Variants in NALCN observed in about 807,000 individuals in gnomAD.
The protein encoded by NALCN is sodium leak channel, non-selective.
Under a neutral mutation model 225.3 loss-of-function variants are expected in NALCN, and 111 were observed. The observed-to-expected ratio is 0.49, with a 90% CI of 0.42 to 0.58. The LOEUF is 0.58. Ranked by LOEUF, NALCN falls within the 20% of genes least tolerant of loss-of-function variation. The pLI is 0.00. For synonymous variants in NALCN, 764 were observed against 769.0 expected (o/e 0.99, Z 0.11); for missense variants, 1,378 against 2,202.4 (o/e 0.63, Z 7.49).
In NALCN at chr13:101,089,413, C is replaced by G. The variant is rs980520737; in HGVS notation, c.3489+250G>C. On this transcript the variant is annotated intron_variant, in intron 30 of 43. Coordinates refer to ENST00000251127, the MANE Select transcript of NALCN (RefSeq NM_052867.4). This position sits in a 1 kb window ranked among gnomAD's most constrained non-coding sequence, Gnocchi z 4.7. ...TTTTCAATTTGAACAATAGGAGACG[C>G]GCCTCTCAGTTGTCGGTGAATTAAT... Among the ~76,000 whole-genome samples the G allele has an allele frequency of 6.6e-6, 1 of 152,170 alleles. No homozygotes were observed. Among genetic ancestry groups the G allele is most frequent in the East Asian group, 1.9e-4 (1 of 5,194 alleles).
At chr13:101,405,232 T>C (rs948025809) in intron 1 of NALCN, among the ~76,000 whole-genome samples, 3 of 152,194 alleles carry the variant, frequency 2.0e-5, no homozygotes, top group Non-Finnish European at 4.4e-5. Context: ...GATGGCCTTG[T>C]TTCTGTAAAG....
intron 15 of NALCN, among the ~76,000 whole-genome samples, chr13:101,147,818 G>A (rs1247928096): frequency 6.6e-6 from 1 of 151,998 alleles, no homozygotes; most frequent in Non-Finnish European, 1.5e-5. Context: ...TCAGTTGCTT[G>A]GAAACATCTG....
intron 10 of NALCN, among the ~76,000 whole-genome samples, chr13:101,267,231 C>A (rs1324968804): frequency 2.0e-5 from 3 of 152,204 alleles, no homozygotes; most frequent in Non-Finnish European, 4.4e-5. Flanking sequence ...AATCACAAAT[C>A]AACAAACACA....
intron 15 of NALCN, among the ~76,000 whole-genome samples, chr13:101,159,460 T>A (rs1036511741): frequency 6.6e-6 from 1 of 152,140 alleles, no homozygotes; most frequent in African/African-American, 2.4e-5. Context: ...GGATTGCGGT[T>A]TGTGTAGGTG....
intron 13 of NALCN, among the ~76,000 whole-genome samples, chr13:101,192,391 C>G (rs2039717317): frequency 6.6e-6 from 1 of 152,076 alleles, no homozygotes; most frequent in South Asian, 2.1e-4. Context: ...ACATTTTCAA[C>G]AGATTACTTT....
At chr13:101,179,615 T>C (rs909880984) in intron 14 of NALCN, among the ~76,000 whole-genome samples, 1 of 152,250 alleles carries the variant, frequency 6.6e-6, no homozygotes, top group South Asian at 2.1e-4. Flanking sequence ...ATGTCCTCCA[T>C]CCCCCATCAG....
At chr13:101,239,903 T>C (rs1330633740) in intron 11 of NALCN, among the ~76,000 whole-genome samples, 1 of 152,078 alleles carries the variant, frequency 6.6e-6, no homozygotes, top group African/African-American at 2.4e-5. Flanking sequence ...AGTATCAGTG[T>C]AATCAAACTT....
chr13:101,414,656 T>C (rs1324783246), intron 1 of NALCN, among the ~76,000 whole-genome samples: 1 of 152,206 alleles, frequency 6.6e-6, no homozygotes, highest in African/African-American at 2.4e-5. Context: ...ATGACACTAT[T>C]TTGAGTAGAC....
chr13:101,162,462 A>G (rs1012817322), intron 15 of NALCN, among the ~76,000 whole-genome samples: 1 of 152,196 alleles, frequency 6.6e-6, no homozygotes, highest in Admixed American at 6.5e-5. Context: ...TTCAAAAGGA[A>G]TCAGGGCAAT....
intron 7 of NALCN, among the ~76,000 whole-genome samples, chr13:101,309,264 A>T (rs902251150): frequency 6.6e-6 from 1 of 152,210 alleles, no homozygotes; most frequent in Non-Finnish European, 1.5e-5. Context: ...CTAAACTCAG[A>T]CATACCAAAG....
intron 7 of NALCN, among the ~76,000 whole-genome samples, chr13:101,300,363 T>TTCC (rs1555331934): frequency 7.0e-3 from 139 of 19,892 alleles, no homozygotes; most frequent in Non-Finnish European, 0.016. Flanking sequence ...TCTTTCTTTC[T>TTCC]TTCTTTCCTT....
At chr13:101,171,447 T>A (rs1479783581) in intron 15 of NALCN, among the ~76,000 whole-genome samples, 1 of 151,750 alleles carries the variant, frequency 6.6e-6, no homozygotes, top group African/African-American at 2.4e-5. Context: ...ACATATATAT[T>A]TTTTTCCGAG....
At chr13:101,118,402 A>T (rs2035816483) in intron 18 of NALCN, among the ~76,000 whole-genome samples, 1 of 152,196 alleles carries the variant, frequency 6.6e-6, no homozygotes, top group Non-Finnish European at 1.5e-5. Flanking sequence ...TGATTACCGC[A>T]AATCAGGTAC....
At chr13:101,270,445 C>G (rs2042739672) in intron 10 of NALCN, among the ~76,000 whole-genome samples, 1 of 152,098 alleles carries the variant, frequency 6.6e-6, no homozygotes, top group African/African-American at 2.4e-5. Flanking sequence ...GTTTTAAACT[C>G]AAGAGACAAA....
intron 11 of NALCN, among the ~76,000 whole-genome samples, chr13:101,257,825 TGAAA>T (rs1188851798): frequency 6.6e-6 from 1 of 152,154 alleles, no homozygotes; most frequent in Non-Finnish European, 1.5e-5. Context: ...AAATGCTTAT[TGAAA>T]GAAATAAAAA....
intron 6 of NALCN, among the ~76,000 whole-genome samples, chr13:101,361,211 C>T (rs1726698035): frequency 6.6e-6 from 1 of 152,022 alleles, no homozygotes; most frequent in Admixed American, 6.6e-5. Flanking sequence ...TGGTTTCTAT[C>T]ATGGGGAAAA....
intron 6 of NALCN, among the ~76,000 whole-genome samples, chr13:101,359,916 T>C (rs935640100): frequency 1.3e-5 from 2 of 152,172 alleles, no homozygotes; most frequent in Non-Finnish European, 2.9e-5. Flanking sequence ...ATTGTACACA[T>C]TAAGATTTGA....
In NALCN at chr13:101,053,986, T is replaced by G. The variant is rs946783550; in HGVS notation, c.*1309A>C. The stretch of plus-strand genomic sequence containing the variant: ...TATTTGCCTATCTATCTGAGGAATG[T>G]TAAATAGAGAAAAATAGATTATAAA... On this transcript the variant is annotated 3_prime_UTR_variant, in exon 44 of 44. Coordinates refer to ENST00000251127, the MANE Select transcript of NALCN (RefSeq NM_052867.4). 1.3e-5 allele frequency: 2 copies of G among 152,066 alleles called. No homozygotes were observed. Among genetic ancestry groups the G allele is most frequent in the African/African-American group, 4.8e-5 (2 of 41,372 alleles). 9.4% of individuals were successfully genotyped at this position (152,066 alleles called of 1,614,324 possible).
chr13:101,165,476 T>C (rs144438680), intron 15 of NALCN, among the ~76,000 whole-genome samples: 3 of 152,238 alleles, frequency 2.0e-5, no homozygotes, highest in East Asian at 1.9e-4. Flanking sequence ...TTTTTGTCGT[T>C]GTTGTTGTTA....
Sources: gnomAD v4.1 joint callset for allele counts (sites outside exome capture counted in the v4.1 genomes callset) on GRCh38, gnomAD v4.1.1 for gene constraint, Gnocchi (gnomAD v3.1) non-coding constraint, MANE v1.5 for transcripts, NCBI Gene and HGNC (gene_info 2026-07-23, HGNC 2026-07-21) for gene names.